The following RASSF6 variants were observed in gnomAD, a reference collection of about 807,000 sequenced individuals.
RASSF6 encodes ras association domain-containing protein 6.
RASSF6 carries 52 observed loss-of-function variants against 44.0 expected under a neutral mutation model. That is an observed-to-expected ratio of 1.18 (90% CI 0.95 to 1.49). The LOEUF is 1.49. Ranked by LOEUF, RASSF6 falls within the 40% of genes most tolerant of loss-of-function variation. The pLI, the probability that RASSF6 is intolerant of heterozygous loss-of-function variation, is 0.00. For synonymous variants in RASSF6, 162 were observed against 124.6 expected, an observed-to-expected ratio of 1.30 and a Z score of -2.00; for missense variants, 464 against 393.3, an observed-to-expected ratio of 1.18 and a Z score of -1.52.
intron 3 of RASSF6, among the ~76,000 whole-genome samples, chr4:73,596,091 A>C (rs923566045): frequency 2.6e-5 from 4 of 152,200 alleles, no homozygotes; most frequent in Admixed American, 1.3e-4. Context: ...ATAAAAAGAA[A>C]AAAAGTAAAC....
rs1307748292 is a variant in RASSF6, at chr4:73,581,857, A to T, written c.681T>A (p.Ser227Arg). 1 of 1,609,692 alleles carries T rather than the reference A, an allele frequency of 6.2e-7. No homozygotes were observed. The highest frequency in any genetic ancestry group is 1.3e-5 in the African/African-American group (1 of 74,776). The change falls in exon 8 of 11, where the codon AGT (serine) becomes AGA (arginine). Residue 227 changes from serine (S) to arginine (R), a missense_variant. Transcript: ENST00000307439. ...TAATGTGAAGAGCAAAATCCTGGGGACTATTTTCAATCTGTCAAGGGAAAA... is the reference window on the plus strand; with the variant it reads ...TAATGTGAAGAGCAAAATCCTGGGGTCTATTTTCAATCTGTCAAGGGAAAA... ...QLLQKFKIEN[S>R]PQDFALHIIF...
chr4:73,578,112 G>A, intron 8 of RASSF6, among the ~76,000 whole-genome samples: 1 of 151,766 alleles, frequency 6.6e-6, no homozygotes, highest in South Asian at 2.1e-4. Context: ...TTTTATAGGT[G>A]AAATTATAAA....
chr4:73,594,811 G>A (rs1448759759), intron 3 of RASSF6, among the ~76,000 whole-genome samples: 1 of 152,110 alleles, frequency 6.6e-6, no homozygotes, highest in East Asian at 1.9e-4. Flanking sequence ...TTCTTTCTCT[G>A]CCTAACTAGA....
rs966104431 is a variant in RASSF6, at chr4:73,574,936, T to C, written c.*1299A>G. ...AAGTGAGATGAGACTATTTTCTTAT[T>C]AATATTGACAGGTGAAAGAATAGCG... On this transcript the variant is annotated 3_prime_UTR_variant, in exon 11 of 11. Coordinates refer to ENST00000307439, the MANE Select transcript of RASSF6 (RefSeq NM_177532.5). 6.6e-6 allele frequency: 1 copy of C among 152,194 alleles called. No homozygotes were observed. Among genetic ancestry groups the C allele is most frequent in the Non-Finnish European group, 1.5e-5 (1 of 68,024 alleles). 9.4% of individuals were successfully genotyped at this position (152,194 alleles called of 1,614,324 possible).
chr4:73,593,382 G>A lies in RASSF6; in HGVS notation c.287+69C>T, dbSNP rs911692803. 15 of 1,400,896 alleles carry A rather than the reference G, an allele frequency of 1.1e-5. No individual in the cohort carries two copies. The African/African-American group carries it at 1.9e-4, about 18-fold the overall frequency. 86.8% of individuals were successfully genotyped at this position (1,400,896 alleles called of 1,614,324 possible). A position where few individuals can be genotyped will look rare whatever the true frequency, so the allele number is the denominator to read the frequency against. On this transcript the variant is annotated intron_variant, in intron 4 of 10. Transcript: ENST00000307439. Reference sequence around the variant, plus strand: ...CACAAGCTTAAGTTTCCCTCCTTAAGAGTGCACGCAATAAAACTAGATATG... The same window carrying A: ...CACAAGCTTAAGTTTCCCTCCTTAAAAGTGCACGCAATAAAACTAGATATG...
chr4:73,573,467 T>C lies in RASSF6; in HGVS notation c.*2768A>G, dbSNP rs1012936992. 1.3e-5 allele frequency: 2 copies of C among 152,176 alleles called. No individual in the cohort carries two copies. Among genetic ancestry groups the C allele is most frequent in the Non-Finnish European group, 2.9e-5 (2 of 68,024 alleles). 9.4% of individuals were successfully genotyped at this position (152,176 alleles called of 1,614,324 possible). A position where few individuals can be genotyped will look rare whatever the true frequency, so the allele number is the denominator to read the frequency against. ...ATCTTTTAAAATAATTTTCTGAACATTTAGGCTTTTTATTTCCTTTTGTCA... is the reference window on the plus strand; with the variant it reads ...ATCTTTTAAAATAATTTTCTGAACACTTAGGCTTTTTATTTCCTTTTGTCA... On this transcript the variant is annotated 3_prime_UTR_variant, in exon 11 of 11. Coordinates refer to ENST00000307439, the MANE Select transcript of RASSF6 (RefSeq NM_177532.5).
chr4:73,591,244 C>T (rs1724534040), intron 4 of RASSF6, among the ~76,000 whole-genome samples: 1 of 151,634 alleles, frequency 6.6e-6, no homozygotes, highest in South Asian at 2.1e-4. Flanking sequence ...AACATGTATC[C>T]CACAAATTTA....
At chr4:73,608,307 G>A (rs1055016680) in intron 2 of RASSF6, among the ~76,000 whole-genome samples, 1 of 151,696 alleles carries the variant, frequency 6.6e-6, no homozygotes, top group Non-Finnish European at 1.5e-5. Flanking sequence ...GATAAAACAG[G>A]TAACTGCAAA....
chr4:73,582,285 T>A lies in RASSF6; in HGVS notation c.573A>T (p.Ser191=), dbSNP rs1255971384. ...INGHFYNHET[S]IFIPAFESET... ...CTGATTCAAAGGCTGGAATGAAAAT[T>A]GATGTCTAGAAAAAGAATTGTCACA... The change falls in exon 7 of 11, where the codon TCA becomes TCT. Residue 191 remains serine, a synonymous_variant. Coordinates refer to ENST00000307439, the MANE Select transcript of RASSF6 (RefSeq NM_177532.5). 1 of 1,545,776 alleles carries A rather than the reference T, an allele frequency of 6.5e-7. No homozygotes were observed. Among genetic ancestry groups the A allele is most frequent in the South Asian group, 1.2e-5 (1 of 86,258 alleles).
At position 73,593,498 on chromosome 4, in the gene RASSF6, G is replaced by T. The variant is rs1225100555; in HGVS notation, c.240C>A (p.Phe80Leu). The T allele has an allele frequency of 1.9e-6, 3 of 1,613,426 alleles. No homozygotes were observed. The highest frequency in any genetic ancestry group is 2.5e-6 in the Non-Finnish European group (3 of 1,179,748). ...ATGACTTCATACTAGTAAAAGAAGA[G>T]AATGGCTTCTCATCTTGTATTTTTA... Reference protein sequence around the residue: ...IQLKIQDEKPFSSFTSMKSSD... With the variant: ...IQLKIQDEKPLSSFTSMKSSD... Residue 80 changes from phenylalanine to leucine, a missense_variant, in exon 4 of 11, where the codon TTC (phenylalanine) becomes TTA (leucine). Physicochemically the swap from Phe to Leu is conservative, Grantham distance 22. Transcript: ENST00000307439.
intron 1 of RASSF6, 90 bp from the exon 2 acceptor site, chr4:73,611,919 A>G: frequency 1.2e-6 from 1 of 852,832 alleles, no homozygotes; most frequent in Non-Finnish European, 1.9e-6. Context: ...TTGTGTCTCT[A>G]GAGTATAAGA....
chr4:73,585,155 A>AT, intron 6 of RASSF6, 25 bp downstream of exon 6: 1 of 1,516,956 alleles, frequency 6.6e-7, no homozygotes, highest in African/African-American at 1.4e-5. Context: ...TTTATATTAC[A>AT]TTAATGGAAT....
intron 5 of RASSF6, among the ~76,000 whole-genome samples, chr4:73,586,204 T>C (rs1398668367): frequency 6.6e-6 from 1 of 152,028 alleles, no homozygotes; most frequent in Non-Finnish European, 1.5e-5. Context: ...CATTATGTTC[T>C]TTTTAGAACA....
intron 2 of RASSF6, among the ~76,000 whole-genome samples, 173 bp from the exon 3 acceptor site, chr4:73,598,891 C>T (rs1725107343): frequency 6.6e-6 from 1 of 152,180 alleles, no homozygotes; most frequent in South Asian, 2.1e-4. Flanking sequence ...CTTAAAATAT[C>T]AGCAAATGTT....
chr4:73,579,762 A>G (rs1723480444), intron 8 of RASSF6, among the ~76,000 whole-genome samples: 1 of 152,066 alleles, frequency 6.6e-6, no homozygotes, highest in South Asian at 2.1e-4. Flanking sequence ...CAGTATTGCT[A>G]CCATTTATTT....
At chr4:73,600,826 T>C (rs1725237118) in intron 2 of RASSF6, among the ~76,000 whole-genome samples, 1 of 152,236 alleles carries the variant, frequency 6.6e-6, no homozygotes, top group African/African-American at 2.4e-5. Flanking sequence ...CTAAATATCA[T>C]TGGTCACACT....
intron 6 of RASSF6, among the ~76,000 whole-genome samples, chr4:73,584,337 T>C (rs1723912361): frequency 6.6e-6 from 1 of 152,080 alleles, no homozygotes; most frequent in Non-Finnish European, 1.5e-5. Flanking sequence ...TGCTAAGTAT[T>C]TATGAGATGG....
At chr4:73,606,734 T>A (rs527307039) in intron 2 of RASSF6, among the ~76,000 whole-genome samples, 1 of 152,186 alleles carries the variant, frequency 6.6e-6, no homozygotes, top group East Asian at 1.9e-4. Flanking sequence ...TGCTGTAAAA[T>A]TACACCCTTT....
rs1288533192 is a variant in RASSF6, at chr4:73,572,845, G to A, written c.*3390C>T. On this transcript the variant is annotated 3_prime_UTR_variant, in exon 11 of 11. Transcript: ENST00000307439. ...ACAGATAGGGAAGTTAGAAAAACAT[G>A]AATCACTCATAATTCTACAATGCAG... 1 of 152,050 alleles carries A rather than the reference G, an allele frequency of 6.6e-6. No homozygotes were observed. The highest frequency in any genetic ancestry group is 2.4e-5 in the African/African-American group (1 of 41,418). 9.4% of individuals were successfully genotyped at this position (152,050 alleles called of 1,614,324 possible).
Sources: allele counts gnomAD v4.1 joint callset (sites outside exome capture counted in the v4.1 genomes callset), GRCh38; gene constraint gnomAD v4.1.1; transcripts MANE v1.5; gene names NCBI Gene and HGNC (gene_info 2026-07-23, HGNC 2026-07-21).